Variants in NCOA1 observed in about 807,000 individuals in gnomAD.
NCOA1 encodes Hin-2 protein.
In NCOA1, 35 loss-of-function variants were observed where a neutral mutation model predicts 150.9. The observed-to-expected ratio is 0.23, with a 90% confidence interval of 0.18 to 0.31. The LOEUF is 0.31. Among genes scored for constraint, NCOA1 ranks in the 10% least tolerant of loss-of-function variants. The pLI is 1.00. For missense variants in NCOA1, 1,491 were observed against 1,749.3 expected, an observed-to-expected ratio of 0.85 and a Z score of 2.63; for synonymous variants, 590 against 630.0, an observed-to-expected ratio of 0.94 and a Z score of 0.95.
In NCOA1 at chr2:24,756,071, TAAAAA is replaced by T. The variant is rs369987098; in HGVS notation, c.3882-1883_3882-1879del. ...CAACATGGCAAAACCCCATCTCTACTAAAAAAAAAAAAAAAAAAAAAAAGAATACA... is the reference window on the plus strand; with the variant it reads ...CAACATGGCAAAACCCCATCTCTACTAAAAAAAAAAAAAAAAAAGAATACA... On this transcript the variant is annotated intron_variant, in intron 20 of 22. Coordinates refer to ENST00000348332, the MANE Select transcript of NCOA1 (RefSeq NM_003743.5). 2.7e-3 allele frequency among the ~76,000 whole-genome samples: 296 copies of T among 108,202 alleles called. 2 individuals carry two copies. Among genetic ancestry groups the T allele is most frequent in the Admixed American group, 3.7e-3 (34 of 9,272 alleles). The allele number at this position is 108,202 out of a possible 152,430, so 71.0% of individuals were successfully genotyped here.
At chr2:24,537,833 G>A (rs746787171) in intron 1 of NCOA1, among the ~76,000 whole-genome samples, 1 of 151,980 alleles carries the variant, frequency 6.6e-6, no homozygotes, top group Non-Finnish European at 1.5e-5. Flanking sequence ...ATGTTATGCT[G>A]TAAATCTCAA....
intron 2 of NCOA1, among the ~76,000 whole-genome samples, chr2:24,569,435 T>C (rs1666644586): frequency 6.6e-6 from 1 of 152,172 alleles, no homozygotes; most frequent in African/African-American, 2.4e-5. Context: ...ATTCATGATA[T>C]CATGAATTTC....
At position 24,728,452 on chromosome 2, in the gene NCOA1, T is replaced by C; in HGVS notation, c.2862T>C (p.Ala954=). Reference sequence around the variant, plus strand: ...CTGAGCTAGCTGAACTAGACAGAGCTCTGGGAATTGACAAACTTGTTCAGG... The same window carrying C: ...CTGAGCTAGCTGAACTAGACAGAGCCCTGGGAATTGACAAACTTGTTCAGG... ...DETELAELDR[A]LGIDKLVQGG... Residue 954 remains alanine, a synonymous_variant, in exon 16 of 23, where the codon GCT becomes GCC. Coordinates refer to ENST00000348332, the MANE Select transcript of NCOA1 (RefSeq NM_003743.5). The C allele has an allele frequency of 6.2e-7, 1 of 1,612,750 alleles. No individual in the cohort carries two copies. The highest frequency in any genetic ancestry group is 1.1e-5 in the South Asian group (1 of 90,748).
intron 1 of NCOA1, among the ~76,000 whole-genome samples, chr2:24,520,608 G>A (rs1420166474): frequency 1.3e-5 from 2 of 152,192 alleles, no homozygotes; most frequent in Non-Finnish European, 2.9e-5. Context: ...ACAGGGAAGT[G>A]TGGGAATGAG....
chr2:24,534,222 T>C (rs2148174226), intron 1 of NCOA1, among the ~76,000 whole-genome samples: 1 of 152,342 alleles, frequency 6.6e-6, no homozygotes, highest in South Asian at 2.1e-4. Flanking sequence ...TTTTCTAGTT[T>C]ATTTGTGTAG....
intron 3 of NCOA1, among the ~76,000 whole-genome samples, chr2:24,639,565 C>T (rs1200057411): frequency 1.3e-5 from 2 of 151,716 alleles, no homozygotes; most frequent in Non-Finnish European, 2.9e-5. Flanking sequence ...TTAGTTTATA[C>T]CTATGATTTT....
chr2:24,724,890 A>G (rs1674530040), intron 14 of NCOA1, among the ~76,000 whole-genome samples: 1 of 152,138 alleles, frequency 6.6e-6, no homozygotes, highest in Non-Finnish European at 1.5e-5. Flanking sequence ...GACAGAAAGT[A>G]AGTGATTATT....
At chr2:24,652,644 A>G (rs1180314542) in intron 4 of NCOA1, among the ~76,000 whole-genome samples, 1 of 152,122 alleles carries the variant, frequency 6.6e-6, no homozygotes, top group Admixed American at 6.6e-5. Flanking sequence ...CTATTTCTTT[A>G]GCCTTCACCT....
chr2:24,604,244 A>G (rs530611448), intron 3 of NCOA1, among the ~76,000 whole-genome samples: 1 of 152,316 alleles, frequency 6.6e-6, no homozygotes, highest in African/African-American at 2.4e-5. Context: ...CGTAATTCTT[A>G]TTGGCCATAG....
chr2:24,584,422 T>C (rs926844412), intron 2 of NCOA1, 54 bp from the exon 3 acceptor site: 2 of 152,204 alleles, frequency 1.3e-5, no homozygotes, highest in Non-Finnish European at 2.9e-5. Context: ...ATTAATTTCA[T>C]GTGATTGATC....
intron 1 of NCOA1, among the ~76,000 whole-genome samples, chr2:24,557,318 T>C (rs1354951678): frequency 6.6e-6 from 1 of 152,146 alleles, no homozygotes; most frequent in Non-Finnish European, 1.5e-5. Context: ...CAATTTTGTA[T>C]CTCCCCTTTT....
chr2:24,635,950 C>G (rs1306106744), intron 3 of NCOA1, among the ~76,000 whole-genome samples: 1 of 152,048 alleles, frequency 6.6e-6, no homozygotes, highest in Admixed American at 6.5e-5. Context: ...TTGATAGGAA[C>G]AATTCAATTT....
rs1193957400 is a variant in NCOA1 at position 24,706,559 on chromosome 2, T to C, written c.1098-9T>C. 12 of 1,572,330 alleles carry C rather than the reference T, an allele frequency of 7.6e-6. No individual in the cohort carries two copies. Among genetic ancestry groups the C allele is most frequent in the Non-Finnish European group, 1.0e-5 (12 of 1,159,690 alleles). ...AGATGTTTGAATAATAATGTCTTTT[T>C]CCCCCTAGGGAGCACAGTGGGCTTT... is the stretch of plus-strand genomic sequence containing the variant. On this transcript the variant is annotated splice_polypyrimidine_tract_variant and intron_variant, in intron 12 of 22. Coordinates refer to ENST00000348332, the MANE Select transcript of NCOA1 (RefSeq NM_003743.5).
intron 2 of NCOA1, among the ~76,000 whole-genome samples, chr2:24,580,347 T>C (rs1356799371): frequency 6.6e-6 from 1 of 152,232 alleles, no homozygotes. Flanking sequence ...CACTTTCTTC[T>C]CTCCTTGTTG....
intron 14 of NCOA1, among the ~76,000 whole-genome samples, chr2:24,714,561 T>C (rs1673921649): frequency 2.6e-5 from 4 of 151,730 alleles, no homozygotes; most frequent in Admixed American, 2.6e-4. Context: ...AATGAAAAAT[T>C]TGTTGGAGGA....
intron 1 of NCOA1, among the ~76,000 whole-genome samples, chr2:24,506,031 T>G (rs1663679135): frequency 6.6e-6 from 1 of 151,794 alleles, no homozygotes; most frequent in South Asian, 2.1e-4. Context: ...CATTGGAGCC[T>G]TTGGATCTAG....
At chr2:24,689,794 A>G (rs1300098663) in intron 8 of NCOA1, among the ~76,000 whole-genome samples, 1 of 152,222 alleles carries the variant, frequency 6.6e-6, no homozygotes, top group Non-Finnish European at 1.5e-5. Context: ...AGAGAGCTCT[A>G]AAAATGAATG....
chr2:24,634,865 A>G (rs1189953407), intron 3 of NCOA1, among the ~76,000 whole-genome samples: 2 of 151,798 alleles, frequency 1.3e-5, no homozygotes, highest in Non-Finnish European at 2.9e-5. Flanking sequence ...ACAGGCACAC[A>G]CCACCTTGCC....
In NCOA1 at chr2:24,729,770, C is replaced by T. The variant is rs748212693; in HGVS notation, c.3156C>T (p.Asn1052=). The T allele has an allele frequency of 3.1e-6, 5 of 1,614,022 alleles. No individual in the cohort carries two copies. The African/African-American group carries it at 6.7e-5, about 22-fold the overall frequency. ...QTLNRPPAAP[N]QLRLQLQQRL... is the part of the protein sequence containing the mutation. ...TAAACAGACCTCCGGCTGCACCTAA[C>T]CAGCTTCGACTTCAACTACAGCAGC... Residue 1052 remains asparagine (N), a synonymous_variant, in exon 17 of 23, where the codon AAC becomes AAT. Coordinates refer to ENST00000348332, the MANE Select transcript of NCOA1 (RefSeq NM_003743.5).
Sources: allele counts gnomAD v4.1 joint callset (sites outside exome capture counted in the v4.1 genomes callset), GRCh38; gene constraint gnomAD v4.1.1; transcripts MANE v1.5; gene names NCBI Gene and HGNC (gene_info 2026-07-23, HGNC 2026-07-21).